Variants in C11orf98 observed in about 807,000 individuals in gnomAD.
The protein encoded by C11orf98 is 28S rRNA/ribosome and sororin micro-cofactor.
C11orf98 carries 7 observed loss-of-function variants against 10.9 expected under a neutral mutation model. The observed-to-expected ratio is 0.64, with a 90% CI of 0.37 to 1.21. The LOEUF (loss-of-function observed/expected upper bound fraction) is 1.21. Ranked by LOEUF, C11orf98 falls within the 50% of genes most tolerant of loss-of-function variation. The pLI is 0.02. For missense variants in C11orf98, 181 were observed against 153.7 expected, an observed-to-expected ratio of 1.18 and a Z score of -0.94; for synonymous variants, 70 against 57.2, an observed-to-expected ratio of 1.22 and a Z score of -1.01.
Position 62,665,110 on chromosome 11 carries a change from TCG to T in C11orf98, c.39+19_39+20del. On this transcript the variant is annotated intron_variant, in intron 1 of 3. Transcript: ENST00000524958. ...CTCAGGAACGCTTGAGGAAACAAAG[TCG>T]CGGCCCCCACACAGTCACCGTTCGG... 1 of 1,316,282 alleles carries T rather than the reference TCG, an allele frequency of 7.6e-7. No individual in the cohort carries two copies. Among genetic ancestry groups the T allele is most frequent in the African/African-American group, 1.5e-5 (1 of 68,802 alleles). The allele number at this position is 1,316,282 out of a possible 1,614,324, so 81.5% of individuals were successfully genotyped here.
intron 2 of C11orf98, 26 bp downstream of exon 2, chr11:62,664,823 C>G (rs1210118543): frequency 1.3e-6 from 2 of 1,554,090 alleles, no homozygotes; most frequent in East Asian, 2.4e-5. Context: ...TGGGGACGAC[C>G]AACAGGAAGA....
intron 2 of C11orf98, among the ~76,000 whole-genome samples, 178 bp from the exon 3 acceptor site, chr11:62,663,511 G>A (rs999664095): frequency 7.2e-5 from 11 of 151,964 alleles, no homozygotes; most frequent in African/African-American, 1.2e-4. Context: ...TCGAGACCAC[G>A]GTGAAACCCT....
At position 62,665,111 on chromosome 11, in the gene C11orf98, C is replaced by A. The variant is rs1010873018; in HGVS notation, c.39+20G>T. On this transcript the variant is annotated intron_variant, in intron 1 of 3. Transcript: ENST00000524958. ...TCAGGAACGCTTGAGGAAACAAAGT[C>A]GCGGCCCCCACACAGTCACCGTTCG... 6.1e-6 allele frequency: 8 copies of A among 1,309,112 alleles called. No homozygotes were observed. The highest frequency in any genetic ancestry group is 7.5e-6 in the Non-Finnish European group (7 of 939,052). 81.1% of individuals were successfully genotyped at this position (1,309,112 alleles called of 1,614,324 possible). A position where few individuals can be genotyped will look rare whatever the true frequency, so the allele number is the denominator to read the frequency against.
Position 62,665,202 on chromosome 11 carries a change from C to T in C11orf98, c.-33G>A, listed in dbSNP as rs766919799. On this transcript the variant is annotated 5_prime_UTR_variant, in exon 1 of 4. Transcript: ENST00000524958. ...ATTCCACTCCAGTTCACGGTCCGTA[C>T]TTCCGCTCAGCGCCGGATCCGCGGG... 2.4e-5 allele frequency: 19 copies of T among 803,866 alleles called. No individual in the cohort carries two copies. The highest frequency in any genetic ancestry group is 2.3e-4 in the South Asian group (16 of 69,618). The allele number at this position is 803,866 out of a possible 1,614,324, so 49.8% of individuals were successfully genotyped here. A position where few individuals can be genotyped will look rare whatever the true frequency, so the allele number is the denominator to read the frequency against.
In C11orf98 at chr11:62,664,836, G is replaced by GTC. The variant is rs1484435169; in HGVS notation, c.164+11_164+12dup. The GTC allele has an allele frequency of 1.9e-6, 3 of 1,559,192 alleles. No individual in the cohort carries two copies. The highest frequency in any genetic ancestry group is 2.6e-6 in the Non-Finnish European group (3 of 1,151,578). On this transcript the variant is annotated intron_variant, in intron 2 of 3. Coordinates refer to ENST00000524958, the MANE Select transcript of C11orf98 (RefSeq NM_001286086.2). Reference sequence around the variant, plus strand: ...GGTGGGGACGACCAACAGGAAGAGGGTCTAGTACTTACGCCCGCTTCTTGA... The same window carrying GTC: ...GGTGGGGACGACCAACAGGAAGAGGGTCTCTAGTACTTACGCCCGCTTCTTGA...
chr11:62,664,893 C>T lies in C11orf98; in HGVS notation c.120G>A (p.Val40=), dbSNP rs746661483. 3.1e-6 allele frequency: 5 copies of T among 1,590,720 alleles called. No individual in the cohort carries two copies. Among genetic ancestry groups the T allele is most frequent in the Non-Finnish European group, 3.4e-6 (4 of 1,168,766 alleles). The stretch of plus-strand genomic sequence containing the variant: ...GCCGCGTGATCAGCCCTTGGTCTAT[C>T]ACAGCCCCGACCACCCGGTGCCTCA... The part of the protein sequence containing the change: ...RRLRHRVVGA[V]IDQGLITRHH... The change falls in exon 2 of 4, where the codon GTG becomes GTA. Residue 40 remains valine, a synonymous_variant. Coordinates refer to ENST00000524958, the MANE Select transcript of C11orf98 (RefSeq NM_001286086.2).
chr11:62,663,445 G>C (rs888412385), intron 2 of C11orf98, 112 bp from the exon 3 acceptor site: 6 of 1,115,668 alleles, frequency 5.4e-6, no homozygotes, highest in Admixed American at 2.7e-5. Flanking sequence ...AGTGGCTCAC[G>C]CCTGTAATCC....
intron 2 of C11orf98, 21 bp from the exon 3 acceptor site, chr11:62,663,354 A>G (rs757614491): frequency 2.5e-6 from 4 of 1,610,932 alleles, no homozygotes; most frequent in Admixed American, 3.4e-5. Flanking sequence ...AGTGGAAATA[A>G]AGAGAGCTAG....
Position 62,663,328 on chromosome 11 carries a change from C to A in C11orf98, c.170G>T (p.Ser57Ile). The change falls in exon 3 of 4, where the codon AGT becomes ATT. Residue 57 changes from serine (S) to isoleucine (I), a missense_variant. Transcript: ENST00000524958. ...TGACAGTGTAATGTTGGCACGTGCACTGGACCTGATGGGTAAGTGGAAATA... is the reference window on the plus strand; with the variant it reads ...TGACAGTGTAATGTTGGCACGTGCAATGGACCTGATGGGTAAGTGGAAATA... ...TRHHLKKRASSARANITLSGK... is the reference protein window; with the variant it reads ...TRHHLKKRASIARANITLSGK... 1 of 1,613,938 alleles carries A rather than the reference C, an allele frequency of 6.2e-7. No homozygotes were observed. Among genetic ancestry groups the A allele is most frequent in the Non-Finnish European group, 8.5e-7 (1 of 1,179,916 alleles).
rs774208830 is a variant in C11orf98, at chr11:62,663,316, T to C, written c.182A>G (p.Asn61Ser). Reference protein sequence around the residue: ...LKKRASSARANITLSGKKRRK... With the variant: ...LKKRASSARASITLSGKKRRK... ...GCGCTTCTTCCCTGACAGTGTAATG[T>C]TGGCACGTGCACTGGACCTGATGGG... Residue 61 changes from asparagine to serine, a missense_variant, in exon 3 of 4, where the codon AAC becomes AGC. Asn to Ser is a conservative substitution (Grantham distance 46). Coordinates refer to ENST00000524958, the MANE Select transcript of C11orf98 (RefSeq NM_001286086.2). The C allele has an allele frequency of 2.5e-6, 4 of 1,614,020 alleles. No individual in the cohort carries two copies. Among genetic ancestry groups the C allele is most frequent in the Admixed American group, 3.3e-5 (2 of 59,978 alleles).
chr11:62,663,415 G>A, intron 2 of C11orf98, 82 bp from the exon 3 acceptor site: 2 of 1,426,218 alleles, frequency 1.4e-6, no homozygotes, highest in Non-Finnish European at 1.9e-6. Context: ...TATAGAAAAA[G>A]TATTAAATAG....
At chr11:62,664,177 A>T (rs1010804863) in intron 2 of C11orf98, among the ~76,000 whole-genome samples, 2 of 151,868 alleles carry the variant, frequency 1.3e-5, no homozygotes, top group Admixed American at 6.6e-5. Flanking sequence ...TTACAAGTGA[A>T]ATCCTATGAG....
At position 62,664,851 on chromosome 11, in the gene C11orf98, C is replaced by T. The variant is rs914647373; in HGVS notation, c.162G>A (p.Arg54=). ...CAGGAAGAGGGTCTAGTACTTACGC[C>T]CGCTTCTTGAGGTGGTGCCGCGTGA... ...GLITRHHLKK[R]ASSARANITL... Residue 54 remains arginine, a splice_region_variant and synonymous_variant, in exon 2 of 4, where the codon CGG becomes CGA. Coordinates refer to ENST00000524958, the MANE Select transcript of C11orf98 (RefSeq NM_001286086.2). The T allele has an allele frequency of 6.4e-7, 1 of 1,566,550 alleles. No homozygotes were observed. Among genetic ancestry groups the T allele is most frequent in the Non-Finnish European group, 8.7e-7 (1 of 1,155,226 alleles).
In C11orf98 at chr11:62,665,156, CCCG is replaced by C. The variant is rs749205414; in HGVS notation, c.11_13del (p.Pro4_Gly5delinsArg). On this transcript the variant is annotated inframe_deletion, in exon 1 of 4. Transcript: ENST00000524958. The stretch of plus-strand genomic sequence containing the variant: ...CGTTCGGGGCCGGTTGATCTTTCCC[CCCG>C]GAGCTCCCATAGTCGCGATTCCACT... 2 of 916,890 alleles carry C rather than the reference CCCG, an allele frequency of 2.2e-6. No homozygotes were observed. The highest frequency in any genetic ancestry group is 3.4e-6 in the Non-Finnish European group (2 of 581,108). The allele number at this position is 916,890 out of a possible 1,614,324, so 56.8% of individuals were successfully genotyped here. A position where few individuals can be genotyped will look rare whatever the true frequency, so the allele number is the denominator to read the frequency against.
At chr11:62,663,464 T>C (rs897278560) in intron 2 of C11orf98, 131 bp from the exon 3 acceptor site, 14 of 893,174 alleles carry the variant, frequency 1.6e-5, no homozygotes, top group Non-Finnish European at 2.2e-5. Context: ...CCCAGCACTT[T>C]GGGAGGCCGA....
intron 2 of C11orf98, among the ~76,000 whole-genome samples, chr11:62,664,584 G>GC (rs1365670847): frequency 6.6e-6 from 1 of 152,194 alleles, no homozygotes; most frequent in South Asian, 2.1e-4. Flanking sequence ...GCCCACCTCA[G>GC]CCCCCCAAAG....
chr11:62,663,432 C>T (rs938300229), intron 2 of C11orf98, 99 bp from the exon 3 acceptor site: 13 of 1,272,374 alleles, frequency 1.0e-5, no homozygotes, highest in African/African-American at 1.5e-5. Context: ...ATAGGCTGGG[C>T]GCAGTGGCTC....
At position 62,663,308 on chromosome 11, in the gene C11orf98, G is replaced by C; in HGVS notation, c.190C>G (p.Leu64Val). 1 of 1,614,138 alleles carries C rather than the reference G, an allele frequency of 6.2e-7. No individual in the cohort carries two copies. Among genetic ancestry groups the C allele is most frequent in the Non-Finnish European group, 8.5e-7 (1 of 1,180,010 alleles). ...RASSARANIT[L>V]SGKKRRKLLQ... is the part of the protein sequence containing the mutation. ...AGTTTTCTGCGCTTCTTCCCTGACA[G>C]TGTAATGTTGGCACGTGCACTGGAC... Residue 64 changes from leucine (L) to valine (V), a missense_variant, in exon 3 of 4, where the codon CTG (leucine) becomes GTG (valine). Coordinates refer to ENST00000524958, the MANE Select transcript of C11orf98 (RefSeq NM_001286086.2).
Position 62,664,935 on chromosome 11 carries a change from C to G in C11orf98, c.78G>C (p.Leu26Phe), listed in dbSNP as rs1316322619. The change falls in exon 2 of 4, where the codon TTG becomes TTC. Residue 26 changes from leucine (L) to phenylalanine (F), a missense_variant. Coordinates refer to ENST00000524958, the MANE Select transcript of C11orf98 (RefSeq NM_001286086.2). ...GGTGCCTCAGACGCCGCTCCCGATT[C>G]AACACCCGCCGGCGTTTGAACAGCT... ...KKKLFKRRRVLNRERRLRHRV... is the reference protein window; with the variant it reads ...KKKLFKRRRVFNRERRLRHRV... 2 of 1,608,414 alleles carry G rather than the reference C, an allele frequency of 1.2e-6. No homozygotes were observed. Among genetic ancestry groups the G allele is most frequent in the African/African-American group, 1.3e-5 (1 of 74,956 alleles).
Sources: allele counts gnomAD v4.1 joint callset (sites outside exome capture counted in the v4.1 genomes callset), GRCh38; gene constraint gnomAD v4.1.1; transcripts MANE v1.5; gene names NCBI Gene and HGNC (gene_info 2026-07-23, HGNC 2026-07-21).